ERC2: variants seen among roughly 807,000 people sequenced by gnomAD.
ERC2 encodes the protein ERC protein 2.
Under a neutral mutation model 114.8 loss-of-function variants are expected in ERC2, and 42 were observed. That is an observed-to-expected ratio of 0.37 (90% CI 0.29 to 0.47). The LOEUF (loss-of-function observed/expected upper bound fraction) is 0.47, where lower values mean the gene tolerates loss of function less well. Ranked by LOEUF, ERC2 falls within the 20% of genes least tolerant of loss-of-function variation. ERC2 has a pLI of 0.99. For missense variants in ERC2, 939 were observed against 1,150.7 expected (o/e 0.82, Z 2.66); for synonymous variants, 454 against 425.5 (o/e 1.07, Z -0.82).
At chr3:55,966,790 T>C (rs967734131) in intron 12 of ERC2, among the ~76,000 whole-genome samples, 11 of 152,302 alleles carry the variant, frequency 7.2e-5, no homozygotes, top group Middle Eastern at 3.4e-3. Flanking sequence ...TGGGCAGCTG[T>C]AAGACTGTTT....
rs537161374 is a variant in ERC2 at position 55,703,409 on chromosome 3, C to A, written c.2713-3897G>T. Among the ~76,000 whole-genome samples the A allele has an allele frequency of 7.2e-5, 11 of 152,318 alleles. No homozygotes were observed. The South Asian group carries it at 1.9e-3, about 26-fold the overall frequency. Reference sequence around the variant, plus strand: ...GAGTTATATCCATTAGTTCTCTGGTCTTAGCTTCAATGCCATCATCTCCAG... The same window carrying A: ...GAGTTATATCCATTAGTTCTCTGGTATTAGCTTCAATGCCATCATCTCCAG... On this transcript the variant is annotated intron_variant, in intron 15 of 17. Transcript: ENST00000288221.
intron 17 of ERC2, among the ~76,000 whole-genome samples, chr3:55,634,976 G>A (rs1225440584): frequency 6.6e-6 from 1 of 151,932 alleles, no homozygotes; most frequent in African/African-American, 2.4e-5. Context: ...CCGCCTACTG[G>A]GTTCAAGCAA....
At chr3:55,998,228 G>GTC (rs920749582) in intron 10 of ERC2, among the ~76,000 whole-genome samples, 1 of 151,656 alleles carries the variant, frequency 6.6e-6, no homozygotes, top group Non-Finnish European at 1.5e-5. Context: ...ATATTCTTAT[G>GTC]TCTCTCTCTC....
intron 12 of ERC2, among the ~76,000 whole-genome samples, chr3:55,970,355 A>G (rs1048379432): frequency 2.0e-5 from 3 of 151,982 alleles, no homozygotes; most frequent in Non-Finnish European, 4.4e-5. Flanking sequence ...ATCAAATACT[A>G]ATAATTACTA....
chr3:56,020,804 G>A (rs1450167631), intron 7 of ERC2, among the ~76,000 whole-genome samples: 1 of 152,180 alleles, frequency 6.6e-6, no homozygotes, highest in East Asian at 1.9e-4. Context: ...GTAGTAGGCA[G>A]CAATTTCAAA....
chr3:55,855,377 T>C (rs2061744939), intron 14 of ERC2, among the ~76,000 whole-genome samples: 1 of 152,240 alleles, frequency 6.6e-6, no homozygotes, highest in South Asian at 2.1e-4. Flanking sequence ...TAATTTGATT[T>C]ACAACGCTGT....
intron 10 of ERC2, among the ~76,000 whole-genome samples, chr3:56,006,744 G>T (rs1177150211): frequency 6.6e-6 from 1 of 152,024 alleles, no homozygotes; most frequent in Non-Finnish European, 1.5e-5. Context: ...CTTCTAGAAA[G>T]TTAACAATGT....
intron 1 of ERC2, among the ~76,000 whole-genome samples, chr3:56,448,048 C>T (rs915297126): frequency 3.8e-4 from 58 of 152,006 alleles, no homozygotes; most frequent in African/African-American, 1.4e-3. Context: ...CAGCCTGCAC[C>T]GGTTAATTTT....
intron 15 of ERC2, among the ~76,000 whole-genome samples, chr3:55,724,045 T>A (rs1258288889): frequency 6.6e-6 from 1 of 152,012 alleles, no homozygotes; most frequent in Non-Finnish European, 1.5e-5. Context: ...ATATGTTAAA[T>A]GATGAAAAAG....
At chr3:55,587,376 T>A (rs946658775) in intron 17 of ERC2, among the ~76,000 whole-genome samples, 13 of 152,342 alleles carry the variant, frequency 8.5e-5, no homozygotes, top group African/African-American at 3.1e-4. Flanking sequence ...AACATTATGT[T>A]TTTGCAATTT....
At chr3:55,519,619 T>A (rs1327563026) in intron 17 of ERC2, among the ~76,000 whole-genome samples, 1 of 152,174 alleles carries the variant, frequency 6.6e-6, no homozygotes, top group Non-Finnish European at 1.5e-5. Flanking sequence ...TTCCCATGGC[T>A]CCCAAACTTC....
chr3:56,376,980 G>A (rs73075807), intron 2 of ERC2, among the ~76,000 whole-genome samples: 4,785 of 152,240 alleles, frequency 0.031, 150 homozygotes, highest in African/African-American at 0.075. Flanking sequence ...AGAAGCACAT[G>A]TAATTATAAT....
chr3:55,720,991 G>A (rs2064515393), intron 15 of ERC2, among the ~76,000 whole-genome samples: 1 of 152,250 alleles, frequency 6.6e-6, no homozygotes, highest in South Asian at 2.1e-4. Context: ...AGGAAGGTAA[G>A]TTGACCTGCT....
At chr3:55,678,109 A>C (rs1048279000) in intron 17 of ERC2, among the ~76,000 whole-genome samples, 1 of 152,196 alleles carries the variant, frequency 6.6e-6, no homozygotes, top group African/African-American at 2.4e-5. Flanking sequence ...AGAAGAGCAA[A>C]ATAAAAGGAG....
At chr3:55,756,074 C>T (rs774124703) in intron 14 of ERC2, among the ~76,000 whole-genome samples, 1 of 152,040 alleles carries the variant, frequency 6.6e-6, no homozygotes. Context: ...CTGAAAAATA[C>T]GTCAGGCAGA....
At chr3:55,721,431 A>G (rs1576305936) in intron 15 of ERC2, among the ~76,000 whole-genome samples, 1 of 152,278 alleles carries the variant, frequency 6.6e-6, no homozygotes, top group African/African-American at 2.4e-5. Context: ...TGCATCCTCA[A>G]AGGCCTTGTC....
chr3:55,685,047 TTCCACCTAA>T (rs1484234216), intron 16 of ERC2, among the ~76,000 whole-genome samples: 90 of 152,368 alleles, frequency 5.9e-4, no homozygotes, highest in African/African-American at 2.0e-3. Context: ...TTTCATACAG[TTCCACCTAA>T]TCCGGCCAAT....
intron 2 of ERC2, among the ~76,000 whole-genome samples, chr3:56,327,137 G>A (rs2057398283): frequency 2.6e-5 from 4 of 152,198 alleles, no homozygotes; most frequent in African/African-American, 9.6e-5. Context: ...TTTTCAGACT[G>A]CTGTAAAGAA....
At chr3:55,832,179 G>T (rs1470847733) in intron 14 of ERC2, among the ~76,000 whole-genome samples, 3 of 152,238 alleles carry the variant, frequency 2.0e-5, no homozygotes, top group African/African-American at 4.8e-5. Flanking sequence ...TGGGGGCAGG[G>T]CACGGACAAA....
Sources: allele counts gnomAD v4.1 joint callset (sites outside exome capture counted in the v4.1 genomes callset), GRCh38; gene constraint gnomAD v4.1.1; transcripts MANE v1.5; gene names NCBI Gene and HGNC (gene_info 2026-07-23, HGNC 2026-07-21).